FBXW11: variants seen among roughly 807,000 people sequenced by gnomAD.
The protein encoded by FBXW11 is F-box/WD repeat-containing protein 11.
Under a neutral mutation model 77.6 loss-of-function variants are expected in FBXW11, and 19 were observed. The observed-to-expected ratio is 0.24, with a 90% CI of 0.17 to 0.36. The LOEUF (loss-of-function observed/expected upper bound fraction) is 0.36, where lower values mean the gene tolerates loss of function less well. Among genes scored for constraint, FBXW11 ranks in the 10% least tolerant of loss-of-function variants. FBXW11 has a pLI of 1.00. For missense variants in FBXW11, 334 were observed against 704.2 expected (o/e 0.47, Z 5.95); for synonymous variants, 235 against 249.4 (o/e 0.94, Z 0.54).
intron 1 of FBXW11, among the ~76,000 whole-genome samples, chr5:171,977,078 G>A (rs183749506): frequency 5.9e-5 from 9 of 151,440 alleles, no homozygotes; most frequent in East Asian, 3.9e-4. Flanking sequence ...GGTGGCTCAC[G>A]CCTGTAATCC....
At chr5:171,983,973 T>C (rs1358463015) in intron 1 of FBXW11, among the ~76,000 whole-genome samples, 3 of 151,060 alleles carry the variant, frequency 2.0e-5, no homozygotes, top group Non-Finnish European at 4.4e-5. Context: ...TACAATGGAA[T>C]AATGCATAGA....
intron 2 of FBXW11, among the ~76,000 whole-genome samples, chr5:171,934,704 A>G (rs1486046300): frequency 6.6e-6 from 1 of 151,536 alleles, no homozygotes; most frequent in Non-Finnish European, 1.5e-5. Flanking sequence ...ATAGAAAATT[A>G]TTAGGAAACA....
At chr5:171,903,605 C>T (rs957346762) in intron 4 of FBXW11, among the ~76,000 whole-genome samples, 1 of 152,112 alleles carries the variant, frequency 6.6e-6, no homozygotes, top group East Asian at 1.9e-4. Context: ...CTTTCTAACG[C>T]TGGGGTACTT....
Position 171,984,184 on chromosome 5 carries a change from G to GC in FBXW11, c.45+22273dup, listed in dbSNP as rs1342171073. ...AGTTCATTGACTGGATGAGCTACAG[G>GC]CAAGAGGAAGCCTTGAAATGCTCTG... On this transcript the variant is annotated intron_variant, in intron 1 of 13. Transcript: ENST00000517395. Among the ~76,000 whole-genome samples, 8 of 152,188 alleles carry GC rather than the reference G, an allele frequency of 5.3e-5. No homozygotes were observed. In the South Asian group the frequency reaches 1.2e-3, roughly 24 times the overall value.
At chr5:171,898,695 G>C (rs1236390755) in intron 6 of FBXW11, among the ~76,000 whole-genome samples, 4 of 152,020 alleles carry the variant, frequency 2.6e-5, no homozygotes, top group African/African-American at 9.7e-5. Context: ...AAAAAACGGG[G>C]CCTTGGATTT....
At chr5:171,890,321 A>C (rs1759255350) in intron 7 of FBXW11, among the ~76,000 whole-genome samples, 1 of 152,010 alleles carries the variant, frequency 6.6e-6, no homozygotes, top group South Asian at 2.1e-4. Flanking sequence ...TCAGGAGCTC[A>C]AGACCAGCCT....
intron 2 of FBXW11, among the ~76,000 whole-genome samples, chr5:171,936,699 T>A (rs114464732): frequency 6.6e-6 from 1 of 151,780 alleles, no homozygotes; most frequent in Non-Finnish European, 1.5e-5. Flanking sequence ...ACAAGACAGC[T>A]CAAGAAAACA....
intron 2 of FBXW11, among the ~76,000 whole-genome samples, chr5:171,929,527 A>C (rs1430062032): frequency 6.6e-6 from 1 of 152,204 alleles, no homozygotes; most frequent in Non-Finnish European, 1.5e-5. Context: ...TGACTGTCTA[A>C]CTAGAAAATC....
At chr5:171,952,355 T>C (rs1581246842) in intron 2 of FBXW11, among the ~76,000 whole-genome samples, 1 of 143,828 alleles carries the variant, frequency 7.0e-6, no homozygotes, top group Non-Finnish European at 1.5e-5. Context: ...AAGATGTGGT[T>C]TTTTTTAACC....
intron 1 of FBXW11, among the ~76,000 whole-genome samples, chr5:172,005,872 G>A (rs1766723825): frequency 1.3e-5 from 2 of 152,118 alleles, no homozygotes; most frequent in Admixed American, 6.5e-5. Flanking sequence ...ACAAGGGCCC[G>A]GGAAAGAGGC....
At chr5:171,864,139 G>A (rs1262320456) in intron 13 of FBXW11, 38 bp from the exon 14 acceptor site, 1 of 152,176 alleles carries the variant, frequency 6.6e-6, no homozygotes, top group East Asian at 1.9e-4. Flanking sequence ...GAGTGTGGGT[G>A]AACATTCCGT....
intron 1 of FBXW11, among the ~76,000 whole-genome samples, chr5:172,005,846 C>G (rs1301426979): frequency 6.6e-6 from 1 of 152,212 alleles, no homozygotes; most frequent in Admixed American, 6.5e-5. Flanking sequence ...ACCCTTTGTC[C>G]GAGAAGCCGG....
chr5:172,006,528 T>A lies in FBXW11; in HGVS notation c.-26A>T. The A allele has an allele frequency of 6.7e-7, 1 of 1,497,622 alleles. No individual in the cohort carries two copies. The highest frequency in any genetic ancestry group is 8.9e-7 in the Non-Finnish European group (1 of 1,121,784). The allele number at this position is 1,497,622 out of a possible 1,614,324, so 92.8% of individuals were successfully genotyped here. On this transcript the variant is annotated 5_prime_UTR_variant, in exon 1 of 14. Coordinates refer to ENST00000517395, the MANE Select transcript of FBXW11 (RefSeq NM_001378974.1). ...GGCGGCCCCGGCGGCCCCGCCTCGC[T>A]CTCCCCGCGCAGCAGCGAACGGCCC...
chr5:171,965,472 G>A (rs1764133213), intron 1 of FBXW11, among the ~76,000 whole-genome samples: 1 of 151,450 alleles, frequency 6.6e-6, no homozygotes, highest in South Asian at 2.1e-4. Context: ...GTTACAGGGA[G>A]CTGAGATCAT....
intron 7 of FBXW11, among the ~76,000 whole-genome samples, chr5:171,881,437 T>C (rs1003583619): frequency 2.0e-5 from 3 of 152,260 alleles, no homozygotes; most frequent in African/African-American, 7.2e-5. Flanking sequence ...TTCAATTTTC[T>C]CAAACGCCCT....
At chr5:171,923,380 C>CTTT in intron 2 of FBXW11, among the ~76,000 whole-genome samples, 1 of 152,166 alleles carries the variant, frequency 6.6e-6, no homozygotes, top group Non-Finnish European at 1.5e-5. Context: ...TTTTGATAAA[C>CTTT]AGAAGTAATA....
rs563480274 is a variant in FBXW11 at position 171,861,870 on chromosome 5, T to A, written c.*2257A>T. The A allele has an allele frequency of 3.9e-5, 6 of 152,770 alleles. No homozygotes were observed. Among genetic ancestry groups the A allele is most frequent in the African/African-American group, 1.4e-4 (6 of 41,584 alleles). 9.5% of individuals were successfully genotyped at this position (152,770 alleles called of 1,614,324 possible). A position where few individuals can be genotyped will look rare whatever the true frequency, so the allele number is the denominator to read the frequency against. On this transcript the variant is annotated 3_prime_UTR_variant, in exon 14 of 14. Coordinates refer to ENST00000517395, the MANE Select transcript of FBXW11 (RefSeq NM_001378974.1). Reference sequence around the variant, plus strand: ...ATCCCAGTGCTTTAAAACATTAATATAGCAGTAATTTACATTTGCTCAGTT... The same window carrying A: ...ATCCCAGTGCTTTAAAACATTAATAAAGCAGTAATTTACATTTGCTCAGTT...
At chr5:171,943,521 G>T (rs1762851796) in intron 2 of FBXW11, among the ~76,000 whole-genome samples, 1 of 151,938 alleles carries the variant, frequency 6.6e-6, no homozygotes, top group Non-Finnish European at 1.5e-5. Flanking sequence ...TGCAGTGGTG[G>T]GATCTCAGCT....
chr5:171,947,774 G>T (rs530545543), intron 2 of FBXW11, among the ~76,000 whole-genome samples: 10 of 152,182 alleles, frequency 6.6e-5, no homozygotes, highest in African/African-American at 2.4e-4. Flanking sequence ...AAATTAGCCA[G>T]GAGTGGCTGG....
Sources: allele counts gnomAD v4.1 joint callset (sites outside exome capture counted in the v4.1 genomes callset), GRCh38; gene constraint gnomAD v4.1.1; transcripts MANE v1.5; gene names NCBI Gene and HGNC (gene_info 2026-07-23, HGNC 2026-07-21).